Variants in CCS observed in about 807,000 individuals in gnomAD.
CCS encodes the protein copper chaperone for superoxide dismutase.
Under a neutral mutation model 35.5 loss-of-function variants are expected in CCS, and 32 were observed. The observed-to-expected ratio is 0.90, with a 90% confidence interval of 0.68 to 1.21. The LOEUF is 1.21. Among genes scored for constraint, CCS ranks in the 50% most tolerant of loss-of-function variants. CCS has a pLI of 0.00. For synonymous variants in CCS, 130 were observed against 147.2 expected (o/e 0.88, Z 0.84); for missense variants, 342 against 375.4 (o/e 0.91, Z 0.73).
At position 66,593,638 on chromosome 11, in the gene CCS, G is replaced by A. The variant is rs372515372; in HGVS notation, c.40-4G>A. 3.7e-6 allele frequency: 6 copies of A among 1,613,514 alleles called. No individual in the cohort carries two copies. Among genetic ancestry groups the A allele is most frequent in the East Asian group, 2.2e-5 (1 of 44,892 alleles). On this transcript the variant is annotated splice_region_variant and splice_polypyrimidine_tract_variant and intron_variant, in intron 1 of 7. Transcript: ENST00000533244. ...TCATCGGTTGGTCCCTGCCGCCCTT[G>A]CAGTTGGAGTTCGCGGTGCAGATGA...
chr11:66,595,981 C>T (rs1265799067), intron 2 of CCS, among the ~76,000 whole-genome samples: 1 of 152,212 alleles, frequency 6.6e-6, no homozygotes, highest in Admixed American at 6.5e-5. Flanking sequence ...CTCCACACTG[C>T]TCCAGGCCAC....
At chr11:66,599,367 A>G in intron 3 of CCS, 92 bp from the exon 4 acceptor site, 1 of 1,496,262 alleles carries the variant, frequency 6.7e-7, no homozygotes, top group Non-Finnish European at 8.9e-7. Context: ...GGAAGGTGTG[A>G]AAATTATGTG....
Position 66,596,161 on chromosome 11 carries a change from G to C in CCS, c.112+2447G>C. 1.3e-5 allele frequency among the ~76,000 whole-genome samples: 2 copies of C among 152,092 alleles called. 1 individual carries two copies. The highest frequency in any genetic ancestry group is 6.8e-3 in the Middle Eastern group (2 of 292). Reference sequence around the variant, plus strand: ...CAGCTCACTGCAACCTCCACCTCCCGGTTCATTTGATTCTCCCACCTCAGC... The same window carrying C: ...CAGCTCACTGCAACCTCCACCTCCCCGTTCATTTGATTCTCCCACCTCAGC... On this transcript the variant is annotated intron_variant, in intron 2 of 7. Transcript: ENST00000533244.
In CCS at chr11:66,599,174, A is replaced by C. The variant is rs771870101; in HGVS notation, c.171A>C (p.Leu57=). 6.2e-7 allele frequency: 1 copy of C among 1,613,982 alleles called. No individual in the cohort carries two copies. Among genetic ancestry groups the C allele is most frequent in the South Asian group, 1.1e-5 (1 of 91,060 alleles). ...AGATGGTCTTGGTACACACCACTCT[A>C]CCCAGCCAGGAGGTGCAGGCTCTCC... ...EDQMVLVHTT[L]PSQEVQALLE... is the part of the protein sequence containing the mutation. Residue 57 remains leucine (L), a synonymous_variant, in exon 3 of 8, where the codon CTA becomes CTC. Transcript: ENST00000533244.
At position 66,605,436 on chromosome 11, in the gene CCS, G is replaced by A. The variant is rs1858639462; in HGVS notation, c.567+20G>A. 6.2e-7 allele frequency: 1 copy of A among 1,613,912 alleles called. No individual in the cohort carries two copies. Among genetic ancestry groups the A allele is most frequent in the Non-Finnish European group, 8.5e-7 (1 of 1,179,934 alleles). ...CTGAAGGTAAGGTGGAAAAGAAGGT[G>A]GGCACCCTTCCTAACAGGGTCCATC... On this transcript the variant is annotated intron_variant, in intron 6 of 7. Transcript: ENST00000533244.
rs780901578 is a variant in CCS at position 66,605,874 on chromosome 11, T to G, written c.*19T>G. The G allele has an allele frequency of 7.3e-6, 11 of 1,499,594 alleles. No individual in the cohort carries two copies. The highest frequency in any genetic ancestry group is 8.0e-6 in the Non-Finnish European group (9 of 1,125,974). 92.9% of individuals were successfully genotyped at this position (1,499,594 alleles called of 1,614,324 possible). A position where few individuals can be genotyped will look rare whatever the true frequency, so the allele number is the denominator to read the frequency against. On this transcript the variant is annotated 3_prime_UTR_variant, in exon 8 of 8. Transcript: ENST00000533244. ...CCTTTGAGCAGGACCTCACCTTGGC[T>G]CTGTTGCTGTCCTCCAGGGCGAGCA...
intron 2 of CCS, 71 bp from the exon 3 acceptor site, chr11:66,599,045 T>C: frequency 1.3e-6 from 2 of 1,590,034 alleles, no homozygotes; most frequent in Admixed American, 1.7e-5. Flanking sequence ...AATTGCTGTC[T>C]GTTTTTCTGT....
chr11:66,602,844 C>T (rs2134984564), intron 5 of CCS, among the ~76,000 whole-genome samples: 1 of 152,370 alleles, frequency 6.6e-6, no homozygotes, highest in Middle Eastern at 3.4e-3. Context: ...TGAGCAGGAG[C>T]TGACCAGCCA....
At chr11:66,599,411 T>A (rs376980222) in intron 3 of CCS, 48 bp from the exon 4 acceptor site, 1 of 1,504,750 alleles carries the variant, frequency 6.6e-7, no homozygotes, top group Admixed American at 2.3e-5. Flanking sequence ...GCTGAAGAGG[T>A]GTGCTGGGTG....
intron 2 of CCS, among the ~76,000 whole-genome samples, chr11:66,597,020 G>T (rs1156657201): frequency 6.6e-6 from 1 of 152,194 alleles, no homozygotes. Context: ...GGGGATCATT[G>T]TACCTAACTT....
rs200644962 is a variant in CCS, at chr11:66,605,416, G to A, written c.567G>A (p.Lys189=). The A allele has an allele frequency of 2.5e-6, 4 of 1,614,146 alleles. No homozygotes were observed. Among genetic ancestry groups the A allele is most frequent in the Non-Finnish European group, 3.4e-6 (4 of 1,180,002 alleles). ...TCAGAATGGAGGATGAGCAGCTGAA[G>A]GTAAGGTGGAAAAGAAGGTGGGCAC... ...AIFRMEDEQL[K]VWDVIGRSLI... is the part of the protein sequence containing the mutation. The change falls in exon 6 of 8, where the codon AAG becomes AAA. Residue 189 remains lysine, a splice_region_variant and synonymous_variant. Coordinates refer to ENST00000533244, the MANE Select transcript of CCS (RefSeq NM_005125.2).
chr11:66,593,209 G>T lies in CCS; in HGVS notation c.-53G>T. On this transcript the variant is annotated 5_prime_UTR_variant, in exon 1 of 8. Coordinates refer to ENST00000533244, the MANE Select transcript of CCS (RefSeq NM_005125.2). The stretch of plus-strand genomic sequence containing the variant: ...CAGTCCCCGCGACGCCGCGCTGGTT[G>T]GTGCTCCTGCGCCGGAGGAGTTCTG... 1 of 1,542,364 alleles carries T rather than the reference G, an allele frequency of 6.5e-7. No individual in the cohort carries two copies.
intron 2 of CCS, among the ~76,000 whole-genome samples, chr11:66,597,097 C>G (rs536381047): frequency 9.3e-4 from 141 of 152,294 alleles, no homozygotes; most frequent in African/African-American, 3.0e-3. Flanking sequence ...ACCGTCCATG[C>G]CCAGTAAGTG....
In CCS at chr11:66,599,186, G is replaced by T. The variant is rs746772329; in HGVS notation, c.183G>T (p.Glu61Asp). The part of the protein sequence containing the change: ...VLVHTTLPSQ[E>D]VQALLEGTGR... ...TACACACCACTCTACCCAGCCAGGA[G>T]GTGCAGGCTCTCCTGGAAGGCACGG... is the stretch of plus-strand genomic sequence containing the variant. Residue 61 changes from glutamate to aspartate, a missense_variant, in exon 3 of 8, where the codon GAG (glutamate) becomes GAT (aspartate). Transcript: ENST00000533244. The T allele has an allele frequency of 2.4e-5, 39 of 1,613,926 alleles. No individual in the cohort carries two copies. The highest frequency in any genetic ancestry group is 3.4e-6 in the Non-Finnish European group (4 of 1,180,016).
At chr11:66,593,824 C>T in intron 2 of CCS, 110 bp downstream of exon 2, 3 of 1,003,228 alleles carry the variant, frequency 3.0e-6, no homozygotes, top group Admixed American at 4.0e-5. Context: ...AAAGTGAACC[C>T]CAGAGAGTGA....
Position 66,605,729 on chromosome 11 carries a change from C to CGCTG in CCS, c.702_705dup (p.Leu236TrpfsTer89). On this transcript the variant is annotated frameshift_variant, in exon 8 of 8. Transcript: ENST00000533244. LOFTEE classifies it high-confidence loss of function. Reference sequence around the variant, plus strand: ...TGGCCTGTGGCATCATTGCACGCTCCGCTGGCCTTTTCCAGAACCCCAAGC... The same window carrying CGCTG: ...TGGCCTGTGGCATCATTGCACGCTCCGCTGGCTGGCCTTTTCCAGAACCCCAAGC... 6.3e-7 allele frequency: 1 copy of CGCTG among 1,599,436 alleles called. No homozygotes were observed. The highest frequency in any genetic ancestry group is 8.5e-7 in the Non-Finnish European group (1 of 1,172,380).
intron 2 of CCS, 45 bp downstream of exon 2, chr11:66,593,759 G>A: frequency 6.4e-7 from 1 of 1,569,110 alleles, no homozygotes; most frequent in Non-Finnish European, 8.8e-7. Flanking sequence ...AGAAGCCTCT[G>A]GGAGGGACCA....
At position 66,599,209 on chromosome 11, in the gene CCS, C is replaced by A; in HGVS notation, c.206C>A (p.Thr69Lys). The A allele has an allele frequency of 6.2e-7, 1 of 1,613,268 alleles. No individual in the cohort carries two copies. Among genetic ancestry groups the A allele is most frequent in the Admixed American group, 1.7e-5 (1 of 59,880 alleles). The stretch of plus-strand genomic sequence containing the variant: ...GAGGTGCAGGCTCTCCTGGAAGGCA[C>A]GGGGCGGCAGGCGGTACTCAAGGGC... ...SQEVQALLEG[T>K]GRQAVLKGMG... Residue 69 changes from threonine (T) to lysine (K), a missense_variant, in exon 3 of 8, where the codon ACG becomes AAG. Thr to Lys is a moderately conservative substitution (Grantham distance 78, BLOSUM62 -1). Coordinates refer to ENST00000533244, the MANE Select transcript of CCS (RefSeq NM_005125.2).
At position 66,605,835 on chromosome 11, in the gene CCS, C is replaced by T. The variant is rs1388793900; in HGVS notation, c.805C>T (p.Gln269Ter). The change falls in exon 8 of 8, where the codon CAG becomes TAG. Residue 269 changes from glutamine (Q) to a stop codon, truncating the protein, a stop_gained. Coordinates refer to ENST00000533244, the MANE Select transcript of CCS (RefSeq NM_005125.2). LOFTEE classifies it high-confidence loss of function. ...TGGCAAGGGCCGAAAGGAGTCAGCGCAGCCCCCTGCCCACCTTTGAGCAGG... is the reference window on the plus strand; with the variant it reads ...TGGCAAGGGCCGAAAGGAGTCAGCGTAGCCCCCTGCCCACCTTTGAGCAGG... ...IAGKGRKESA[Q>*]PPAHL The T allele has an allele frequency of 1.3e-6, 2 of 1,561,966 alleles. No individual in the cohort carries two copies. The highest frequency in any genetic ancestry group is 1.7e-6 in the Non-Finnish European group (2 of 1,154,388).
Sources: allele counts gnomAD v4.1 joint callset (sites outside exome capture counted in the v4.1 genomes callset), GRCh38; gene constraint gnomAD v4.1.1; transcripts MANE v1.5; gene names NCBI Gene and HGNC (gene_info 2026-07-23, HGNC 2026-07-21).